NRXN3: variants seen among roughly 807,000 people sequenced by gnomAD.
NRXN3 encodes neurexin 3.
In NRXN3, 32 loss-of-function variants were observed where a neutral mutation model predicts 137.6. That is an observed-to-expected ratio of 0.23 (90% confidence interval 0.18 to 0.31). The LOEUF is 0.31. NRXN3 is among the 10% of genes least tolerant of loss of function. The pLI, the probability that NRXN3 is intolerant of heterozygous loss-of-function variation, is 1.00. For missense variants in NRXN3, 1,574 were observed against 2,062.5 expected (o/e 0.76, Z 4.59); for synonymous variants, 798 against 784.5 (o/e 1.02, Z -0.29).
intron 15 of NRXN3, among the ~76,000 whole-genome samples, chr14:79,321,900 T>C (rs972532439): frequency 2.0e-5 from 3 of 149,604 alleles, no homozygotes; most frequent in Non-Finnish European, 3.0e-5. Flanking sequence ...CACACACACA[T>C]ATATATATGT....
In NRXN3 at chr14:78,908,550, A is replaced by G. The variant is rs566753619; in HGVS notation, c.2276-48692A>G. Among the ~76,000 whole-genome samples, 18 of 152,208 alleles carry G rather than the reference A, an allele frequency of 1.2e-4. No homozygotes were observed. The East Asian group carries it at 3.3e-3, about 28-fold the overall frequency. On this transcript the variant is annotated intron_variant, in intron 10 of 20. Transcript: ENST00000335750. ...CAGAATTATAATTTTAAAAATTTGC[A>G]CATTTCTGAGAGGTCTTCAAAAAGT...
chr14:78,889,454 C>T (rs2099152969), intron 10 of NRXN3, among the ~76,000 whole-genome samples: 1 of 151,972 alleles, frequency 6.6e-6, no homozygotes, highest in South Asian at 2.1e-4. Flanking sequence ...CCAACTGCAT[C>T]CCTGATTTTG....
intron 15 of NRXN3, among the ~76,000 whole-genome samples, chr14:79,206,347 C>T (rs992420014): frequency 6.6e-6 from 1 of 152,178 alleles, no homozygotes; most frequent in Non-Finnish European, 1.5e-5. Context: ...CTGAAGGAGG[C>T]TGGTCACTGA....
At chr14:78,682,568 C>A (rs72683595) in intron 6 of NRXN3, among the ~76,000 whole-genome samples, 8,371 of 152,082 alleles carry the variant, frequency 0.055, 272 homozygotes, top group Middle Eastern at 0.14. Context: ...TTGATTTTAG[C>A]TAATAATAGT....
At chr14:78,847,874 G>T (rs1319210942) in intron 10 of NRXN3, among the ~76,000 whole-genome samples, 3 of 152,072 alleles carry the variant, frequency 2.0e-5, no homozygotes, top group Non-Finnish European at 4.4e-5. Flanking sequence ...AGAAAGAAAG[G>T]TCACTCGCCA....
At chr14:79,493,386 T>C (rs909216137) in intron 16 of NRXN3, among the ~76,000 whole-genome samples, 1 of 152,208 alleles carries the variant, frequency 6.6e-6, no homozygotes, top group African/African-American at 2.4e-5. Flanking sequence ...ACAGAAGGGC[T>C]TTAGCCCAGA....
At chr14:78,229,838 GGGTT>G (rs2065146768) in intron 1 of NRXN3, among the ~76,000 whole-genome samples, 1 of 152,084 alleles carries the variant, frequency 6.6e-6, no homozygotes, top group Non-Finnish European at 1.5e-5. Flanking sequence ...CACAGTGTGA[GGGTT>G]GGTAGCACCA....
At chr14:78,574,992 A>G (rs2096923186) in intron 4 of NRXN3, among the ~76,000 whole-genome samples, 1 of 152,214 alleles carries the variant, frequency 6.6e-6, no homozygotes, top group Admixed American at 6.5e-5. Flanking sequence ...AGGTGGAGAC[A>G]ATTGAATCAT....
intron 6 of NRXN3, among the ~76,000 whole-genome samples, chr14:78,656,368 A>G (rs2097784883): frequency 6.6e-6 from 1 of 152,076 alleles, no homozygotes; most frequent in African/African-American, 2.4e-5. Context: ...AGAAGTGAGC[A>G]TGGAAGCATG....
intron 16 of NRXN3, among the ~76,000 whole-genome samples, chr14:79,623,966 C>A (rs957359073): frequency 1.3e-5 from 2 of 150,064 alleles, no homozygotes; most frequent in African/African-American, 4.9e-5. Context: ...TTCCCATCCT[C>A]TTGGAAGGGT....
intron 8 of NRXN3, among the ~76,000 whole-genome samples, chr14:78,715,416 C>A (rs190799557): frequency 6.6e-6 from 1 of 152,092 alleles, no homozygotes; most frequent in South Asian, 2.1e-4. Context: ...GTAAATAATT[C>A]TCTTTTGGGA....
chr14:79,267,047 A>G (rs766427059), intron 15 of NRXN3, among the ~76,000 whole-genome samples: 1 of 152,264 alleles, frequency 6.6e-6, no homozygotes, highest in Non-Finnish European at 1.5e-5. Flanking sequence ...ACAGGAGGGC[A>G]CAAAAGATAT....
chr14:78,561,049 C>T (rs2096781987), intron 4 of NRXN3, among the ~76,000 whole-genome samples: 1 of 152,128 alleles, frequency 6.6e-6, no homozygotes, highest in African/African-American at 2.4e-5. Flanking sequence ...CATAGCTTTA[C>T]TTCTTATTCA....
chr14:79,676,491 A>C (rs928227363), intron 17 of NRXN3, among the ~76,000 whole-genome samples: 1 of 151,910 alleles, frequency 6.6e-6, no homozygotes, highest in Non-Finnish European at 1.5e-5. Flanking sequence ...GAATAAGTCT[A>C]GAGATCTAAT....
chr14:79,522,645 T>C lies in NRXN3; in HGVS notation c.3444+55243T>C, dbSNP rs80348771. Among the ~76,000 whole-genome samples, 1,712 of 152,260 alleles carry C rather than the reference T, an allele frequency of 0.011. 87 individuals are homozygous for C. In the East Asian group the frequency reaches 0.16, roughly 14 times the overall value. ...AACTGTCTTTCTTCCAAGGATCCCA[T>C]GGAAACCTTTACAAATCTAGCTGAT... On this transcript the variant is annotated intron_variant, in intron 16 of 20. Transcript: ENST00000335750.
At chr14:78,940,746 A>G (rs2099351477) in intron 10 of NRXN3, among the ~76,000 whole-genome samples, 1 of 152,162 alleles carries the variant, frequency 6.6e-6, no homozygotes, top group Admixed American at 6.5e-5. Context: ...TCCCCCAACT[A>G]CCGTGTACTC....
In NRXN3 at chr14:78,932,518, A is replaced by G. The variant is rs564638162; in HGVS notation, c.2276-24724A>G. ...TCAGAGTCTGATTGCATTGGATACAATATTCCAAGATCACTGAATGATACA... is the reference window on the plus strand; with the variant it reads ...TCAGAGTCTGATTGCATTGGATACAGTATTCCAAGATCACTGAATGATACA... On this transcript the variant is annotated intron_variant, in intron 10 of 20. Coordinates refer to ENST00000335750, the MANE Select transcript of NRXN3 (RefSeq NM_001330195.2). Among the ~76,000 whole-genome samples the G allele has an allele frequency of 3.3e-4, 51 of 152,312 alleles. 1 individual carries two copies. The highest frequency in any genetic ancestry group is 3.4e-3 in the Middle Eastern group (1 of 294).
chr14:79,776,856 A>C (rs1259637575), intron 19 of NRXN3, among the ~76,000 whole-genome samples: 2 of 152,212 alleles, frequency 1.3e-5, no homozygotes, highest in Non-Finnish European at 2.9e-5. Flanking sequence ...ACAAGCCAAG[A>C]ATGCACTGAT....
chr14:78,369,376 C>T (rs1425384948), intron 4 of NRXN3, among the ~76,000 whole-genome samples: 1 of 152,004 alleles, frequency 6.6e-6, no homozygotes, highest in Non-Finnish European at 1.5e-5. Context: ...GTCCTATTTC[C>T]TACTTTTGGG....
Sources: allele counts gnomAD v4.1 joint callset (sites outside exome capture counted in the v4.1 genomes callset), GRCh38; gene constraint gnomAD v4.1.1; transcripts MANE v1.5; gene names NCBI Gene and HGNC (gene_info 2026-07-23, HGNC 2026-07-21).